CLDN1: variants seen among roughly 807,000 people sequenced by gnomAD.
The protein encoded by CLDN1 is claudin 1.
A neutral mutation model predicts 22.6 loss-of-function variants in CLDN1; 12 were observed. The ratio of observed to expected loss-of-function variants is 0.53; its 90% CI spans 0.34 to 0.86. CLDN1 has a LOEUF of 0.86. CLDN1 is among the 40% of genes least tolerant of loss of function. The pLI is 0.02. For synonymous variants in CLDN1, 99 were observed against 103.8 expected, an observed-to-expected ratio of 0.95 and a Z score of 0.28; for missense variants, 250 against 269.5, an observed-to-expected ratio of 0.93 and a Z score of 0.51.
At chr3:190,320,996 T>G (rs555332162) in intron 1 of CLDN1, among the ~76,000 whole-genome samples, 140 of 152,312 alleles carry the variant, frequency 9.2e-4, no homozygotes, top group Non-Finnish European at 1.6e-3. Context: ...CTATTATCCT[T>G]CTTCCCACCA....
intron 3 of CLDN1, among the ~76,000 whole-genome samples, chr3:190,309,184 T>G (rs796325094): frequency 6.6e-6 from 1 of 152,182 alleles, no homozygotes; most frequent in South Asian, 2.1e-4. Context: ...CCTGCCTCAA[T>G]AGACTGCTTT....
In CLDN1 at chr3:190,305,848, G is replaced by C. The variant is rs533913719; in HGVS notation, c.*2429C>G. On this transcript the variant is annotated 3_prime_UTR_variant, in exon 4 of 4. Transcript: ENST00000295522. ...AGATCAAAATTGGATAAATTCTATT[G>C]TAACAATTTCGTTGGTCATTTTGGG... is the stretch of plus-strand genomic sequence containing the variant. 1.8e-4 allele frequency: 28 copies of C among 152,276 alleles called. No homozygotes were observed. Among genetic ancestry groups the C allele is most frequent in the African/African-American group, 5.5e-4 (23 of 41,560 alleles). The allele number at this position is 152,276 out of a possible 1,614,324, so 9.4% of individuals were successfully genotyped here.
Position 190,322,130 on chromosome 3 carries a change from G to T in CLDN1, c.77C>A (p.Ala26Asp). Residue 26 changes from alanine (A) to aspartate (D), a missense_variant, in exon 1 of 4, where the codon GCC becomes GAC. Ala to Asp is a moderately radical substitution (Grantham distance 126). Transcript: ENST00000295522. The stretch of plus-strand genomic sequence containing the variant: ...GGAGTAAATCCTCCACTGGGGCAGG[G>T]CAGTGCTGACGATGGCGCCGATCCA... Reference protein sequence around the residue: ...LGWIGAIVSTALPQWRIYSYA... With the variant: ...LGWIGAIVSTDLPQWRIYSYA... 1 of 1,614,244 alleles carries T rather than the reference G, an allele frequency of 6.2e-7. No individual in the cohort carries two copies.
At chr3:190,313,643 A>AT (rs1264152943) in intron 1 of CLDN1, among the ~76,000 whole-genome samples, 10 of 152,218 alleles carry the variant, frequency 6.6e-5, no homozygotes, top group Non-Finnish European at 1.0e-4. Context: ...CTTAAAACTA[A>AT]ACAAAATAAC....
chr3:190,306,753 T>G lies in CLDN1; in HGVS notation c.*1524A>C, dbSNP rs1026441623. 2 of 152,634 alleles carry G rather than the reference T, an allele frequency of 1.3e-5. No individual in the cohort carries two copies. Among genetic ancestry groups the G allele is most frequent in the African/African-American group, 4.8e-5 (2 of 41,428 alleles). 9.5% of individuals were successfully genotyped at this position (152,634 alleles called of 1,614,324 possible). ...GGAAAAGTAAGAGCAGTTGTTAAAA[T>G]GGAACAGAGCACAAACATGTCAGAC... On this transcript the variant is annotated 3_prime_UTR_variant, in exon 4 of 4. Transcript: ENST00000295522.
intron 2 of CLDN1, 22 bp downstream of exon 2, chr3:190,312,850 A>T: frequency 6.2e-7 from 1 of 1,613,020 alleles, no homozygotes; most frequent in Non-Finnish European, 8.5e-7. Context: ...GTAAGGTGAA[A>T]GGGGGGCACA....
intron 2 of CLDN1, 60 bp from the exon 3 acceptor site, chr3:190,310,313 A>G (rs963586466): frequency 9.7e-6 from 12 of 1,237,092 alleles, no homozygotes; most frequent in Non-Finnish European, 1.1e-5. Flanking sequence ...CTAAATACAC[A>G]ACCTGTTAAA....
chr3:190,320,011 A>T (rs1046945508), intron 1 of CLDN1, among the ~76,000 whole-genome samples: 2 of 152,232 alleles, frequency 1.3e-5, no homozygotes, highest in Admixed American at 6.5e-5. Context: ...GCTTTAAGTA[A>T]AATAAAAGTG....
chr3:190,312,303 AT>A (rs11310748), intron 2 of CLDN1, among the ~76,000 whole-genome samples: 76,977 of 150,946 alleles, frequency 0.51, 21,860 homozygotes, highest in African/African-American at 0.76. Flanking sequence ...GTATTTCTGT[AT>A]TTTTTTTTTC....
intron 1 of CLDN1, among the ~76,000 whole-genome samples, chr3:190,315,197 C>T (rs531727051): frequency 6.6e-6 from 1 of 152,244 alleles, no homozygotes; most frequent in Non-Finnish European, 1.5e-5. Context: ...ATATTTCAGG[C>T]AGAGATATGC....
intron 1 of CLDN1, 116 bp from the exon 2 acceptor site, chr3:190,313,152 C>A: frequency 8.6e-7 from 1 of 1,167,182 alleles, no homozygotes. Context: ...GACTAGGAAT[C>A]TAGAGACCCC....
At chr3:190,314,873 A>G (rs924969147) in intron 1 of CLDN1, among the ~76,000 whole-genome samples, 2 of 152,142 alleles carry the variant, frequency 1.3e-5, no homozygotes, top group Admixed American at 6.5e-5. Context: ...ATGCACACTG[A>G]CCCACACACT....
chr3:190,305,833 T>C lies in CLDN1; in HGVS notation c.*2444A>G, dbSNP rs1716435309. 1 of 152,148 alleles carries C rather than the reference T, an allele frequency of 6.6e-6. No individual in the cohort carries two copies. The highest frequency in any genetic ancestry group is 1.5e-5 in the Non-Finnish European group (1 of 68,026). The allele number at this position is 152,148 out of a possible 1,614,324, so 9.4% of individuals were successfully genotyped here. ...TAGAAGAATATAAAAAGATCAAAAT[T>C]GGATAAATTCTATTGTAACAATTTC... On this transcript the variant is annotated 3_prime_UTR_variant, in exon 4 of 4. Transcript: ENST00000295522.
chr3:190,314,497 C>T (rs998211572), intron 1 of CLDN1, among the ~76,000 whole-genome samples: 6 of 151,998 alleles, frequency 3.9e-5, no homozygotes, highest in Admixed American at 6.5e-5. Flanking sequence ...GGGGCTCAAG[C>T]GATTCTCATC....
intron 2 of CLDN1, among the ~76,000 whole-genome samples, chr3:190,312,387 G>A (rs1716647002): frequency 6.6e-6 from 1 of 151,830 alleles, no homozygotes; most frequent in Non-Finnish European, 1.5e-5. Context: ...TTGATCTACA[G>A]GCACATCCTG....
Position 190,308,226 on chromosome 3 carries a change from A to C in CLDN1, c.*51T>G. 6.3e-7 allele frequency: 1 copy of C among 1,598,396 alleles called. No homozygotes were observed. ...GTCCTAATGTTAATGATAGTATCTC[A>C]ATGTCCATTTTCGGTTTGTTTCAAC... On this transcript the variant is annotated 3_prime_UTR_variant, in exon 4 of 4. Coordinates refer to ENST00000295522, the MANE Select transcript of CLDN1 (RefSeq NM_021101.5).
chr3:190,313,295 A>G (rs576988084), intron 1 of CLDN1: 9 of 471,642 alleles, frequency 1.9e-5, no homozygotes, highest in African/African-American at 1.6e-4. Context: ...TTCAAAATCA[A>G]CTGGAAAATT....
intron 2 of CLDN1, among the ~76,000 whole-genome samples, chr3:190,312,650 T>C (rs985274295): frequency 6.6e-6 from 1 of 152,218 alleles, no homozygotes; most frequent in Non-Finnish European, 1.5e-5. Flanking sequence ...AACAAACCAG[T>C]TGCCACTTGA....
chr3:190,315,096 C>G (rs1263745010), intron 1 of CLDN1, among the ~76,000 whole-genome samples: 1 of 152,170 alleles, frequency 6.6e-6, no homozygotes, highest in Non-Finnish European at 1.5e-5. Context: ...TTTGCAAAGG[C>G]TATCATTATT....
Sources: gnomAD v4.1 joint callset for allele counts (sites outside exome capture counted in the v4.1 genomes callset) on GRCh38, gnomAD v4.1.1 for gene constraint, MANE v1.5 for transcripts, NCBI Gene and HGNC (gene_info 2026-07-23, HGNC 2026-07-21) for gene names.